KATNAL1: variants seen among roughly 807,000 people sequenced by gnomAD.
KATNAL1 encodes katanin catalytic subunit A1 like 1.
KATNAL1 carries 32 observed loss-of-function variants against 55.2 expected under a neutral mutation model. That is an observed-to-expected ratio of 0.58 (90% confidence interval 0.44 to 0.78). The LOEUF is 0.78. Ranked by LOEUF, KATNAL1 falls within the 30% of genes least tolerant of loss-of-function variation. The pLI is 0.00. For missense variants in KATNAL1, 466 were observed against 600.9 expected (o/e 0.78, Z 2.35); for synonymous variants, 193 against 193.6 (o/e 1.00, Z 0.02).
chr13:30,206,079 T>A lies in KATNAL1; in HGVS notation c.*2461A>T, dbSNP rs1873121252. On this transcript the variant is annotated 3_prime_UTR_variant, in exon 11 of 11. Transcript: ENST00000380615. ...GGGCGGATCATCTGAGGTCAGGAGT[T>A]CGAGACTAGCCTGGCCAACATGGTG... 1 of 151,868 alleles carries A rather than the reference T, an allele frequency of 6.6e-6. No homozygotes were observed. Among genetic ancestry groups the A allele is most frequent in the Non-Finnish European group, 1.5e-5 (1 of 68,144 alleles). 9.4% of individuals were successfully genotyped at this position (151,868 alleles called of 1,614,324 possible). A position where few individuals can be genotyped will look rare whatever the true frequency, so the allele number is the denominator to read the frequency against.
chr13:30,303,353 A>G (rs1200772227), intron 1 of KATNAL1, among the ~76,000 whole-genome samples: 1 of 152,192 alleles, frequency 6.6e-6, no homozygotes, highest in African/African-American at 2.4e-5. Flanking sequence ...CTAGGGCACA[A>G]TTTCCCTGGG....
chr13:30,247,778 G>C (rs1468730336), intron 4 of KATNAL1, among the ~76,000 whole-genome samples: 1 of 152,192 alleles, frequency 6.6e-6, no homozygotes, highest in Non-Finnish European at 1.5e-5. Context: ...TGAAAGTTAT[G>C]AGCAGAAGAC....
At chr13:30,236,272 G>C (rs926402951) in intron 6 of KATNAL1, among the ~76,000 whole-genome samples, 1 of 152,204 alleles carries the variant, frequency 6.6e-6, no homozygotes, top group Non-Finnish European at 1.5e-5. Context: ...CTGGTCATAA[G>C]AGTGACCTGG....
intron 3 of KATNAL1, among the ~76,000 whole-genome samples, chr13:30,272,036 G>T (rs995934378): frequency 6.6e-6 from 1 of 152,152 alleles, no homozygotes; most frequent in Non-Finnish European, 1.5e-5. Context: ...AAGTGAGGAA[G>T]TTATTTGGTA....
chr13:30,212,608 T>C (rs61946918), intron 9 of KATNAL1, among the ~76,000 whole-genome samples: 22,723 of 152,264 alleles, frequency 0.15, 1,875 homozygotes, highest in Non-Finnish European at 0.18. Context: ...TGAATTCATC[T>C]ATTAATACTG....
intron 9 of KATNAL1, among the ~76,000 whole-genome samples, chr13:30,219,086 G>A (rs559138105): frequency 9.2e-5 from 14 of 152,134 alleles, no homozygotes; most frequent in African/African-American, 3.4e-4. Context: ...CATCTATCCT[G>A]TTTCTTATAA....
chr13:30,297,098 A>C (rs1425887474), intron 1 of KATNAL1, among the ~76,000 whole-genome samples: 1 of 150,932 alleles, frequency 6.6e-6, no homozygotes, highest in East Asian at 1.9e-4. Flanking sequence ...TCACACCACT[A>C]CGCTCCAGCC....
chr13:30,236,745 G>A (rs915427296), intron 6 of KATNAL1, among the ~76,000 whole-genome samples: 2 of 152,128 alleles, frequency 1.3e-5, no homozygotes, highest in Admixed American at 1.3e-4. Context: ...TGAGAAGTAG[G>A]TCACACCAAC....
At chr13:30,224,026 G>T (rs73163465) in intron 9 of KATNAL1, among the ~76,000 whole-genome samples, 14,641 of 152,066 alleles carry the variant, frequency 0.096, 938 homozygotes, top group African/African-American at 0.19. Flanking sequence ...ATGAATTAAA[G>T]TAAAAATCAA....
chr13:30,295,743 T>C (rs1314127886), intron 1 of KATNAL1, among the ~76,000 whole-genome samples: 2 of 152,212 alleles, frequency 1.3e-5, no homozygotes, highest in African/African-American at 4.8e-5. Flanking sequence ...GATTACTACA[T>C]AATCCTAGTT....
chr13:30,282,644 A>G (rs1881449258), intron 2 of KATNAL1, among the ~76,000 whole-genome samples: 2 of 150,610 alleles, frequency 1.3e-5, no homozygotes, highest in African/African-American at 4.9e-5. Context: ...TCTCTTTAAA[A>G]AAAAAAAAAA....
At chr13:30,291,737 A>T (rs1294319667) in intron 1 of KATNAL1, among the ~76,000 whole-genome samples, 1 of 152,152 alleles carries the variant, frequency 6.6e-6, no homozygotes, top group Admixed American at 6.5e-5. Context: ...AATTTACTAT[A>T]AAGTTACAGT....
chr13:30,259,665 G>A (rs765162788), intron 3 of KATNAL1, among the ~76,000 whole-genome samples: 55 of 152,282 alleles, frequency 3.6e-4, no homozygotes, highest in Non-Finnish European at 6.6e-4. Flanking sequence ...CTTTTCTGAC[G>A]GTCTTAAAAA....
chr13:30,204,470 T>TA lies in KATNAL1; in HGVS notation c.*4069dup, dbSNP rs2137320143. The TA allele has an allele frequency of 6.6e-6, 1 of 152,324 alleles. No individual in the cohort carries two copies. The highest frequency in any genetic ancestry group is 6.5e-5 in the Admixed American group (1 of 15,300). The allele number at this position is 152,324 out of a possible 1,614,324, so 9.4% of individuals were successfully genotyped here. On this transcript the variant is annotated 3_prime_UTR_variant, in exon 11 of 11. Coordinates refer to ENST00000380615, the MANE Select transcript of KATNAL1 (RefSeq NM_032116.5). ...GTGAATCACAGCTACCTCAGCTGGT[T>TA]AGTGTTTTATGATTCTCATCACACA...
At chr13:30,220,840 C>T (rs1453196895) in intron 9 of KATNAL1, among the ~76,000 whole-genome samples, 1 of 151,950 alleles carries the variant, frequency 6.6e-6, no homozygotes, top group African/African-American at 2.4e-5. Flanking sequence ...GCTGGAATTA[C>T]AGGCACCTGC....
At chr13:30,301,535 A>T (rs1378648226) in intron 1 of KATNAL1, among the ~76,000 whole-genome samples, 2 of 152,192 alleles carry the variant, frequency 1.3e-5, no homozygotes, top group African/African-American at 4.8e-5. Context: ...TAACACTACA[A>T]AACAGTAACA....
chr13:30,234,971 G>A (rs1301375269), intron 6 of KATNAL1, among the ~76,000 whole-genome samples: 1 of 152,152 alleles, frequency 6.6e-6, no homozygotes. Context: ...TACTCAGGAT[G>A]GGGGATGACC....
At chr13:30,220,456 A>G (rs370826924) in intron 9 of KATNAL1, among the ~76,000 whole-genome samples, 1 of 152,136 alleles carries the variant, frequency 6.6e-6, no homozygotes, top group African/African-American at 2.4e-5. Context: ...GCAAGACTCC[A>G]TCTCAAAAAA....
At chr13:30,259,547 T>C (rs1290865095) in intron 3 of KATNAL1, among the ~76,000 whole-genome samples, 3 of 152,258 alleles carry the variant, frequency 2.0e-5, no homozygotes, top group South Asian at 4.2e-4. Context: ...GGGCAAGGCA[T>C]TGCCTCACTC....
Sources: allele counts gnomAD v4.1 joint callset (sites outside exome capture counted in the v4.1 genomes callset), GRCh38; gene constraint gnomAD v4.1.1; transcripts MANE v1.5; gene names NCBI Gene and HGNC (gene_info 2026-07-23, HGNC 2026-07-21).